Variants in KIAA1958 observed in about 807,000 individuals in gnomAD.
KIAA1958 encodes the protein KIAA1958, also known as uncharacterized protein KIAA1958.
A neutral mutation model predicts 47.2 loss-of-function variants in KIAA1958; 14 were observed. That is an observed-to-expected ratio of 0.30 (90% CI 0.20 to 0.46). The LOEUF (loss-of-function observed/expected upper bound fraction) is 0.46. Ranked by LOEUF, KIAA1958 falls within the 20% of genes least tolerant of loss-of-function variation. KIAA1958 has a pLI of 1.00. For synonymous variants in KIAA1958, 354 were observed against 353.3 expected, an observed-to-expected ratio of 1.00 and a Z score of -0.02; for missense variants, 803 against 909.2, an observed-to-expected ratio of 0.88 and a Z score of 1.50.
intron 3 of KIAA1958, among the ~76,000 whole-genome samples, chr9:112,658,336 G>A (rs571850609): frequency 3.3e-5 from 5 of 152,318 alleles, no homozygotes; most frequent in East Asian, 3.9e-4. Context: ...CAAATGTTCT[G>A]TGCAGATATC....
chr9:112,635,641 T>G (rs1836793440), intron 2 of KIAA1958, among the ~76,000 whole-genome samples: 1 of 152,204 alleles, frequency 6.6e-6, no homozygotes, highest in South Asian at 2.1e-4. Flanking sequence ...TTGTCCATTT[T>G]ATCCAAATTT....
chr9:112,528,445 C>A (rs752326695), intron 1 of KIAA1958, among the ~76,000 whole-genome samples: 2 of 152,158 alleles, frequency 1.3e-5, no homozygotes, highest in African/African-American at 2.4e-5. Context: ...CATACTTAAC[C>A]ATTTTGTATC....
chr9:112,594,321 G>T (rs2131193313), intron 2 of KIAA1958, among the ~76,000 whole-genome samples: 1 of 152,278 alleles, frequency 6.6e-6, no homozygotes, highest in South Asian at 2.1e-4. Flanking sequence ...TTAAAATGAA[G>T]TATACAATTC....
intron 1 of KIAA1958, among the ~76,000 whole-genome samples, chr9:112,495,559 C>G (rs1834039205): frequency 6.6e-6 from 1 of 152,202 alleles, no homozygotes; most frequent in Non-Finnish European, 1.5e-5. Flanking sequence ...TCCTGCACTG[C>G]TATTCAAAGT....
chr9:112,519,079 A>T (rs999153818), intron 1 of KIAA1958, among the ~76,000 whole-genome samples: 2 of 152,092 alleles, frequency 1.3e-5, no homozygotes, highest in African/African-American at 4.8e-5. Context: ...ATAGGCAGGC[A>T]CCACCATGCC....
At chr9:112,549,072 A>G (rs2132835637) in intron 1 of KIAA1958, among the ~76,000 whole-genome samples, 1 of 152,344 alleles carries the variant, frequency 6.6e-6, no homozygotes. Context: ...TGTCTGTGGT[A>G]TTTTGTTATG....
intron 2 of KIAA1958, among the ~76,000 whole-genome samples, chr9:112,628,773 T>A (rs3780688): frequency 0.23 from 34,816 of 151,894 alleles, 4,375 homozygotes; most frequent in Non-Finnish European, 0.28. Context: ...ATCAAAAAAA[T>A]ATATATATAT....
At chr9:112,500,161 G>A (rs1407076765) in intron 1 of KIAA1958, among the ~76,000 whole-genome samples, 1 of 151,830 alleles carries the variant, frequency 6.6e-6, no homozygotes, top group Non-Finnish European at 1.5e-5. Context: ...GAGTGCAGTG[G>A]TGCGAACTCA....
Position 112,574,835 on chromosome 9 carries a change from T to C in KIAA1958, c.755T>C (p.Leu252Pro), listed in dbSNP as rs879529916. 4 of 1,614,028 alleles carry C rather than the reference T, an allele frequency of 2.5e-6. No homozygotes were observed. The highest frequency in any genetic ancestry group is 3.4e-6 in the Non-Finnish European group (4 of 1,180,028). The change falls in exon 2 of 4, where the codon CTG (leucine) becomes CCG (proline). Residue 252 changes from leucine to proline, a missense_variant. By Grantham distance (98) the Leu-to-Pro change is moderately conservative. Transcript: ENST00000337530. The part of the protein sequence containing the change: ...AGPSCVGSAK[L>P]IPHVTSAIST... ...CCCTCCTGTGTAGGGTCTGCTAAAC[T>C]GATTCCCCATGTCACATCTGCCATC...
chr9:112,493,842 G>A (rs923967820), intron 1 of KIAA1958, among the ~76,000 whole-genome samples: 2 of 152,034 alleles, frequency 1.3e-5, no homozygotes, highest in Non-Finnish European at 2.9e-5. Context: ...CTTTAAAAAT[G>A]TTACTCTCTT....
chr9:112,651,621 C>T (rs1400329730), intron 3 of KIAA1958, among the ~76,000 whole-genome samples: 1 of 152,100 alleles, frequency 6.6e-6, no homozygotes, highest in Non-Finnish European at 1.5e-5. Flanking sequence ...GTCTCGAACT[C>T]CTGACCTCAG....
chr9:112,628,772 AT>A (rs371065266), intron 2 of KIAA1958, among the ~76,000 whole-genome samples: 33 of 152,046 alleles, frequency 2.2e-4, no homozygotes, highest in Non-Finnish European at 3.5e-4. Flanking sequence ...AATCAAAAAA[AT>A]ATATATATAT....
chr9:112,637,095 A>G (rs1316283846), intron 2 of KIAA1958, among the ~76,000 whole-genome samples: 1 of 152,338 alleles, frequency 6.6e-6, no homozygotes, highest in African/African-American at 2.4e-5. Flanking sequence ...ACAATGCAAG[A>G]ACTTTTCAAA....
rs141653046 is a variant in KIAA1958, at chr9:112,579,762, A to C, written c.1171+4511A>C. On this transcript the variant is annotated intron_variant, in intron 2 of 3. Coordinates refer to ENST00000337530, the MANE Select transcript of KIAA1958 (RefSeq NM_133465.4). ...AATTGAGTTCAGTGAGCTTTTAAAAATTGATTAAGGTATGTATTACTGCCA... is the reference window on the plus strand; with the variant it reads ...AATTGAGTTCAGTGAGCTTTTAAAACTTGATTAAGGTATGTATTACTGCCA... Among the ~76,000 whole-genome samples the C allele has an allele frequency of 9.8e-3, 1,494 of 152,352 alleles. 6 individuals carry two copies. The highest frequency in any genetic ancestry group is 0.016 in the Non-Finnish European group (1,102 of 68,030).
At chr9:112,492,410 G>T (rs1171387338) in intron 1 of KIAA1958, among the ~76,000 whole-genome samples, 1 of 152,094 alleles carries the variant, frequency 6.6e-6, no homozygotes, top group Non-Finnish European at 1.5e-5. Flanking sequence ...TCTATTCCAG[G>T]CCTTACTTCC....
At chr9:112,572,370 A>G (rs902935706) in intron 1 of KIAA1958, among the ~76,000 whole-genome samples, 1 of 152,296 alleles carries the variant, frequency 6.6e-6, no homozygotes, top group Non-Finnish European at 1.5e-5. Context: ...ATACTAGACA[A>G]TAGGTTATAA....
At chr9:112,498,929 G>A (rs1212484781) in intron 1 of KIAA1958, among the ~76,000 whole-genome samples, 1 of 152,084 alleles carries the variant, frequency 6.6e-6, no homozygotes, top group Admixed American at 6.5e-5. Flanking sequence ...AACACACACA[G>A]TTCTACTCTC....
chr9:112,529,759 CTTTTCCCT>C, intron 1 of KIAA1958, among the ~76,000 whole-genome samples: 1 of 152,158 alleles, frequency 6.6e-6, no homozygotes, highest in Non-Finnish European at 1.5e-5. Context: ...TAAAAGTACT[CTTTTCCCT>C]ACCTAATTTA....
chr9:112,645,564 T>G, intron 2 of KIAA1958, 86 bp from the exon 3 acceptor site: 1 of 874,390 alleles, frequency 1.1e-6, no homozygotes, highest in Non-Finnish European at 1.7e-6. Flanking sequence ...CTTTTAGAGT[T>G]TTCTGTTATT....
Sources: gnomAD v4.1 joint callset for allele counts (sites outside exome capture counted in the v4.1 genomes callset) on GRCh38, gnomAD v4.1.1 for gene constraint, MANE v1.5 for transcripts, NCBI Gene and HGNC (gene_info 2026-07-23, HGNC 2026-07-21) for gene names.